Variants in UBLCP1 observed in about 807,000 individuals in gnomAD.
The protein encoded by UBLCP1 is ubiquitin-like domain-containing CTD phosphatase 1.
A neutral mutation model predicts 42.4 loss-of-function variants in UBLCP1; 28 were observed. The observed-to-expected ratio is 0.66, with a 90% CI of 0.49 to 0.90. The LOEUF is 0.90. Among genes scored for constraint, UBLCP1 ranks in the 40% least tolerant of loss-of-function variants. The pLI is 0.00. For synonymous variants in UBLCP1, 122 were observed against 120.8 expected (o/e 1.01, Z -0.07); for missense variants, 279 against 374.5 (o/e 0.75, Z 2.10).
rs1022348228 is a variant in UBLCP1 at position 159,278,222 on chromosome 5, A to C, written c.685-16A>C. The C allele has an allele frequency of 6.4e-7, 1 of 1,557,862 alleles. No individual in the cohort carries two copies. Among genetic ancestry groups the C allele is most frequent in the Non-Finnish European group, 8.8e-7 (1 of 1,131,030 alleles). On this transcript the variant is annotated splice_polypyrimidine_tract_variant and intron_variant, in intron 8 of 10. Coordinates refer to ENST00000296786, the MANE Select transcript of UBLCP1 (RefSeq NM_145049.5). ...TATTGATAAAATTTGAGTTAAATGT[A>C]AACTTTTATTCTAAGGTAAAGCCTC...
chr5:159,270,708 GT>G (rs372342661), intron 5 of UBLCP1, 65 bp downstream of exon 5: 13,785 of 778,058 alleles, frequency 0.018, 3 homozygotes, highest in South Asian at 0.025. Flanking sequence ...TCTTTTCTTT[GT>G]TTTTTTTTTT....
chr5:159,265,986 G>A (rs1240039930), intron 1 of UBLCP1, among the ~76,000 whole-genome samples: 1 of 152,114 alleles, frequency 6.6e-6, no homozygotes, highest in African/African-American at 2.4e-5. Flanking sequence ...GGCCAGCCTT[G>A]GGTATGTCTT....
intron 5 of UBLCP1, among the ~76,000 whole-genome samples, chr5:159,271,336 C>T (rs934586166): frequency 6.6e-6 from 1 of 151,766 alleles, no homozygotes. Context: ...GTGGTATGCA[C>T]CTAGTCCCAG....
intron 10 of UBLCP1, 38 bp from the exon 11 acceptor site, chr5:159,284,866 A>G: frequency 1.2e-6 from 2 of 1,610,298 alleles, no homozygotes; most frequent in Non-Finnish European, 1.7e-6. Flanking sequence ...TGAATTTAGC[A>G]TGATACAGCT....
Position 159,274,641 on chromosome 5 carries a change from T to A in UBLCP1, c.585+19T>A. 6.2e-7 allele frequency: 1 copy of A among 1,601,522 alleles called. No homozygotes were observed. On this transcript the variant is annotated intron_variant, in intron 7 of 10. Coordinates refer to ENST00000296786, the MANE Select transcript of UBLCP1 (RefSeq NM_145049.5). Reference sequence around the variant, plus strand: ...AATGAAAGTAAGTGTTAGAAAGCAATCCATTTAAAAATATTTTCAAACTGC... The same window carrying A: ...AATGAAAGTAAGTGTTAGAAAGCAAACCATTTAAAAATATTTTCAAACTGC...
intron 1 of UBLCP1, among the ~76,000 whole-genome samples, chr5:159,263,781 C>G (rs1209754322): frequency 6.6e-6 from 1 of 152,190 alleles, no homozygotes; most frequent in African/African-American, 2.4e-5. Flanking sequence ...CGGTTCTCGC[C>G]GGAGTTCTTA....
At position 159,270,514 on chromosome 5, in the gene UBLCP1, A is replaced by G. The variant is rs368541412; in HGVS notation, c.333-14A>G. 3.1e-6 allele frequency: 5 copies of G among 1,606,674 alleles called. No homozygotes were observed. Among genetic ancestry groups the G allele is most frequent in the East Asian group, 4.5e-5 (2 of 44,722 alleles). ...ACAAGTGAATATTTTATCTAATTAT[A>G]TGTTTTCCATTAGGGAAGAAAACCT... is the stretch of plus-strand genomic sequence containing the variant. On this transcript the variant is annotated splice_polypyrimidine_tract_variant and intron_variant, in intron 4 of 10. Transcript: ENST00000296786.
intron 8 of UBLCP1, among the ~76,000 whole-genome samples, chr5:159,276,176 T>C (rs893978336): frequency 1.3e-5 from 2 of 152,150 alleles, no homozygotes; most frequent in African/African-American, 4.8e-5. Flanking sequence ...TAATCCCAGC[T>C]ACTCAGGAGG....
chr5:159,268,191 G>A (rs866203235), intron 1 of UBLCP1, among the ~76,000 whole-genome samples: 2 of 151,752 alleles, frequency 1.3e-5, no homozygotes, highest in South Asian at 4.1e-4. Flanking sequence ...ATGAAACAAA[G>A]AATGGCTATT....
At chr5:159,280,788 G>A (rs1753598390) in intron 9 of UBLCP1, among the ~76,000 whole-genome samples, 1 of 152,164 alleles carries the variant, frequency 6.6e-6, no homozygotes, top group Non-Finnish European at 1.5e-5. Context: ...TACATGGAAG[G>A]TACTGTGAAT....
chr5:159,273,132 C>G (rs947519131), intron 6 of UBLCP1, among the ~76,000 whole-genome samples: 1 of 152,092 alleles, frequency 6.6e-6, no homozygotes, highest in African/African-American at 2.4e-5. Context: ...TATGTGAGTT[C>G]CATGTGAGTT....
chr5:159,272,410 A>ATTT (rs879932057), intron 6 of UBLCP1, among the ~76,000 whole-genome samples: 2 of 143,786 alleles, frequency 1.4e-5, no homozygotes, highest in Non-Finnish European at 1.5e-5. Context: ...TTTCCTTCTG[A>ATTT]TTTTTTTTTT....
intron 1 of UBLCP1, among the ~76,000 whole-genome samples, chr5:159,264,003 T>C (rs1196782325): frequency 1.3e-5 from 2 of 152,226 alleles, no homozygotes; most frequent in Non-Finnish European, 2.9e-5. Context: ...AATGAGATAA[T>C]TGTTTAGCAT....
intron 9 of UBLCP1, among the ~76,000 whole-genome samples, chr5:159,280,679 A>T (rs1753597484): frequency 6.6e-6 from 1 of 152,186 alleles, no homozygotes; most frequent in African/African-American, 2.4e-5. Flanking sequence ...ACTTGGTAGA[A>T]ATCTCAAAGA....
intron 6 of UBLCP1, among the ~76,000 whole-genome samples, chr5:159,273,728 A>G (rs546004804): frequency 9.2e-5 from 14 of 152,204 alleles, no homozygotes; most frequent in Admixed American, 3.9e-4. Context: ...TTTTAGCTCA[A>G]CTGACCAGTT....
At chr5:159,284,766 A>C in intron 10 of UBLCP1, 138 bp from the exon 11 acceptor site, 1 of 829,742 alleles carries the variant, frequency 1.2e-6, no homozygotes, top group Non-Finnish European at 2.0e-6. Flanking sequence ...GCACATAATC[A>C]GTAGATGTAA....
At chr5:159,282,161 T>C (rs1753617513) in intron 9 of UBLCP1, among the ~76,000 whole-genome samples, 1 of 152,194 alleles carries the variant, frequency 6.6e-6, no homozygotes, top group African/African-American at 2.4e-5. Flanking sequence ...GAAGTAAATC[T>C]TAGTCATATC....
At position 159,269,080 on chromosome 5, in the gene UBLCP1, C is replaced by G. The variant is rs1753433133; in HGVS notation, c.154+11C>G. 1.3e-6 allele frequency: 2 copies of G among 1,514,634 alleles called. No homozygotes were observed. Among genetic ancestry groups the G allele is most frequent in the Admixed American group, 4.8e-5 (2 of 41,646 alleles). The allele number at this position is 1,514,634 out of a possible 1,614,324, so 93.8% of individuals were successfully genotyped here. A position where few individuals can be genotyped will look rare whatever the true frequency, so the allele number is the denominator to read the frequency against. ...GACTCAAAGTTAAAGGTAATTCTCT[C>G]CCCTCTTCAGATTTTTTGCATTGAA... is the stretch of plus-strand genomic sequence containing the variant. On this transcript the variant is annotated intron_variant, in intron 2 of 10. Transcript: ENST00000296786.
rs1357179711 is a variant in UBLCP1 at position 159,285,641 on chromosome 5, T to TAAGGAACA, written c.*712_*719dup. 2.0e-5 allele frequency: 3 copies of TAAGGAACA among 152,288 alleles called. No individual in the cohort carries two copies. Among genetic ancestry groups the TAAGGAACA allele is most frequent in the African/African-American group, 7.2e-5 (3 of 41,450 alleles). The allele number at this position is 152,288 out of a possible 1,614,324, so 9.4% of individuals were successfully genotyped here. A position where few individuals can be genotyped will look rare whatever the true frequency, so the allele number is the denominator to read the frequency against. ...AAACAGAAGACTGAAGAATAAAAAC[T>TAAGGAACA]AAGGAACAAGAATGAGTCTCTTTTT... On this transcript the variant is annotated 3_prime_UTR_variant, in exon 11 of 11. Transcript: ENST00000296786.
Sources: gnomAD v4.1 joint callset for allele counts (sites outside exome capture counted in the v4.1 genomes callset) on GRCh38, gnomAD v4.1.1 for gene constraint, MANE v1.5 for transcripts, NCBI Gene and HGNC (gene_info 2026-07-23, HGNC 2026-07-21) for gene names.